Variants in SETD2 observed in about 807,000 individuals in gnomAD.
The protein encoded by SETD2 is histone-lysine N-methyltransferase SETD2.
A neutral mutation model predicts 242.1 loss-of-function variants in SETD2; 31 were observed. The ratio of observed to expected loss-of-function variants is 0.13; its 90% CI spans 0.10 to 0.17. The LOEUF (loss-of-function observed/expected upper bound fraction) is 0.17. Among genes scored for constraint, SETD2 ranks in the 10% least tolerant of loss-of-function variants. The probability of loss-of-function intolerance (pLI) is 1.00; values close to 1 mark genes in which losing one functional copy is unlikely to be tolerated. For synonymous variants in SETD2, 1,006 were observed against 1,066.5 expected (o/e 0.94, Z 1.11); for missense variants, 2,481 against 3,046.3 (o/e 0.81, Z 4.37).
At chr3:47,128,186 T>A (rs2043390931) in intron 1 of SETD2, among the ~76,000 whole-genome samples, 1 of 152,250 alleles carries the variant, frequency 6.6e-6, no homozygotes, top group African/African-American at 2.4e-5. Context: ...TCAATCGTTT[T>A]TGGTATCTGT....
intron 7 of SETD2, among the ~76,000 whole-genome samples, chr3:47,101,877 G>A (rs1407183635): frequency 6.6e-6 from 1 of 152,070 alleles, no homozygotes; most frequent in Non-Finnish European, 1.5e-5. Context: ...TTTCCATACA[G>A]TAAAGATTCA....
At chr3:47,042,512 TTTGA>T (rs758003084) in intron 17 of SETD2, 45 bp downstream of exon 17, 3 of 1,605,304 alleles carry the variant, frequency 1.9e-6, no homozygotes, top group Non-Finnish European at 2.6e-6. Flanking sequence ...TGGCAACTTC[TTTGA>T]TTAAGTAAAA....
intron 3 of SETD2, chr3:47,119,627 T>TA (rs1004751225): frequency 2.5e-5 from 8 of 314,966 alleles, no homozygotes; most frequent in Admixed American, 4.0e-5. Context: ...CACCACCATG[T>TA]AAGAAGTGCC....
At chr3:47,126,606 T>A in intron 2 of SETD2, 42 bp downstream of exon 2, 1 of 1,047,872 alleles carries the variant, frequency 9.5e-7, no homozygotes, top group Non-Finnish European at 1.4e-6. Context: ...TGTTTAGTGG[T>A]CCATCTCATA....
intron 1 of SETD2, among the ~76,000 whole-genome samples, chr3:47,143,714 C>T (rs1030118403): frequency 6.8e-6 from 1 of 147,984 alleles, no homozygotes; most frequent in African/African-American, 2.5e-5. Context: ...TATACCAGAA[C>T]TTTTTTTTTT....
At chr3:47,153,454 CT>C (rs1178640706) in intron 1 of SETD2, among the ~76,000 whole-genome samples, 1 of 152,206 alleles carries the variant, frequency 6.6e-6, no homozygotes, top group Non-Finnish European at 1.5e-5. Flanking sequence ...TTTCAAGAGA[CT>C]CCCCACTTAA....
intron 1 of SETD2, among the ~76,000 whole-genome samples, chr3:47,130,387 A>G (rs9826488): frequency 0.042 from 6,436 of 152,228 alleles, 469 homozygotes; most frequent in African/African-American, 0.15. Context: ...TCAGAGTATT[A>G]TTTTAGAGTT....
At chr3:47,149,950 G>C (rs893329046) in intron 1 of SETD2, among the ~76,000 whole-genome samples, 1 of 150,472 alleles carries the variant, frequency 6.6e-6, no homozygotes, top group Non-Finnish European at 1.5e-5. Context: ...AGCTACCCTA[G>C]AGAAGAACAA....
At chr3:47,064,651 G>C (rs1401684022) in intron 13 of SETD2, 1 of 410,056 alleles carries the variant, frequency 2.4e-6, no homozygotes. Flanking sequence ...AAAAATGAGG[G>C]TAAAGTTAGA....
chr3:47,037,633 T>C, intron 18 of SETD2, 33 bp downstream of exon 18: 6 of 1,536,446 alleles, frequency 3.9e-6, no homozygotes, highest in Non-Finnish European at 5.4e-6. Context: ...GACTCCCAAA[T>C]GATCAGGAAA....
intron 16 of SETD2, among the ~76,000 whole-genome samples, chr3:47,045,531 A>C (rs570372739): frequency 6.8e-6 from 1 of 147,972 alleles, no homozygotes; most frequent in Admixed American, 6.7e-5. Flanking sequence ...AAAAAAAAAA[A>C]AAAAAAAAAT....
At position 47,056,893 on chromosome 3, in the gene SETD2, A is replaced by G. The variant is rs759960773; in HGVS notation, c.6891T>C (p.Tyr2297=). The G allele has an allele frequency of 1.7e-5, 27 of 1,614,242 alleles. No homozygotes were observed. The South Asian group carries it at 2.7e-4, about 16-fold the overall frequency. The change falls in exon 15 of 21, where the codon TAT becomes TAC. Residue 2297 remains tyrosine (Y), a synonymous_variant. Coordinates refer to ENST00000409792, the MANE Select transcript of SETD2 (RefSeq NM_014159.7). ...AGACTGTTGGACATGTCTGTCCTTG[A>G]TAATATATGGTTGCTTGAGACTGTG... ...SPAQSQATIY[Y]QGQTCPTVYG...
At position 47,084,367 on chromosome 3, in the gene SETD2, C is replaced by G. The variant is rs1402083087; in HGVS notation, c.5413G>C (p.Glu1805Gln). 1 of 1,611,116 alleles carries G rather than the reference C, an allele frequency of 6.2e-7. No homozygotes were observed. The highest frequency in any genetic ancestry group is 1.3e-5 in the African/African-American group (1 of 74,780). Residue 1805 changes from glutamate to glutamine, a missense_variant, in exon 12 of 21, where the codon GAA (glutamate) becomes CAA (glutamine). Physicochemically the swap from Glu to Gln is conservative, Grantham distance 29. Transcript: ENST00000409792. ...TTTTTAGTAGGAATGGGCAAGTGTT[C>G]CAAAGTCTTTATAATCTGATTAAAC... ...KLQEEIIKTL[E>Q]HLPIPTKNML...
At chr3:47,131,709 T>C (rs920569828) in intron 1 of SETD2, among the ~76,000 whole-genome samples, 5 of 151,840 alleles carry the variant, frequency 3.3e-5, no homozygotes, top group African/African-American at 4.8e-5. Flanking sequence ...CAAAGAGATA[T>C]ACAACTAAAA....
At chr3:47,053,399 C>T (rs1211685800) in intron 15 of SETD2, among the ~76,000 whole-genome samples, 1 of 152,120 alleles carries the variant, frequency 6.6e-6, no homozygotes, top group African/African-American at 2.4e-5. Context: ...TTGCACCAAC[C>T]TAAAATGAAA....
intron 12 of SETD2, among the ~76,000 whole-genome samples, chr3:47,069,319 A>G (rs554600222): frequency 4.6e-5 from 7 of 152,308 alleles, no homozygotes; most frequent in Admixed American, 3.9e-4. Flanking sequence ...AGATTTATGC[A>G]CAAATGCAGG....
intron 15 of SETD2, among the ~76,000 whole-genome samples, chr3:47,056,012 CAAAAAAAAAAAAAAAA>C (rs1167181294): frequency 1.0e-4 from 4 of 39,556 alleles, no homozygotes; most frequent in Non-Finnish European, 1.6e-4. Flanking sequence ...GACTCCGTCT[CAAAAAAAAAAAAAAAA>C]AAAAAAAAAA....
intron 18 of SETD2, among the ~76,000 whole-genome samples, chr3:47,029,250 G>A (rs1553676360): frequency 6.6e-6 from 1 of 150,820 alleles, no homozygotes; most frequent in Non-Finnish European, 1.5e-5. Context: ...TTTTTTAATG[G>A]TTTTGCCATG....
chr3:47,143,857 C>T (rs757772963), intron 1 of SETD2, among the ~76,000 whole-genome samples: 1 of 152,068 alleles, frequency 6.6e-6, no homozygotes, highest in Non-Finnish European at 1.5e-5. Context: ...ACTACAGACA[C>T]CCACCACCAC....
Sources: gnomAD v4.1 joint callset for allele counts (sites outside exome capture counted in the v4.1 genomes callset) on GRCh38, gnomAD v4.1.1 for gene constraint, MANE v1.5 for transcripts, NCBI Gene and HGNC (gene_info 2026-07-23, HGNC 2026-07-21) for gene names.